The following SAMD12 variants were observed in gnomAD, a reference collection of about 807,000 sequenced individuals.
SAMD12 encodes sterile alpha motif domain-containing protein 12.
Under a neutral mutation model 15.0 loss-of-function variants are expected in SAMD12, and 9 were observed. That is an observed-to-expected ratio of 0.60 (90% CI 0.36 to 1.05). The LOEUF is 1.05. Among genes scored for constraint, SAMD12 ranks in the 50% least tolerant of loss-of-function variants. The pLI, the probability that SAMD12 is intolerant of heterozygous loss-of-function variation, is 0.01. For missense variants in SAMD12, 230 were observed against 234.2 expected, an observed-to-expected ratio of 0.98 and a Z score of 0.12; for synonymous variants, 86 against 90.1, an observed-to-expected ratio of 0.96 and a Z score of 0.25.
In SAMD12 at chr8:118,610,226, C is replaced by CT. The variant is rs778088209; in HGVS notation, c.13+11577dup. On this transcript the variant is annotated intron_variant, in intron 1 of 3. Transcript: ENST00000314727. Reference sequence around the variant, plus strand: ...TAGAAAGCTAATACCAAGATACACACTTTATTAAAAATTTGATCCAAAAAC... The same window carrying CT: ...TAGAAAGCTAATACCAAGATACACACTTTTATTAAAAATTTGATCCAAAAAC... Among the ~76,000 whole-genome samples the CT allele has an allele frequency of 1.9e-4, 29 of 152,314 alleles. No homozygotes were observed. The South Asian group carries it at 3.9e-3, about 21-fold the overall frequency.
At chr8:118,400,380 A>G (rs1223749610) in intron 3 of SAMD12, 2 of 152,232 alleles carry the variant, frequency 1.3e-5, no homozygotes, top group African/African-American at 4.8e-5. Context: ...TTCAAACCTT[A>G]TACTTCTAAT....
At chr8:118,556,823 G>T (rs927050913) in intron 2 of SAMD12, among the ~76,000 whole-genome samples, 1 of 152,114 alleles carries the variant, frequency 6.6e-6, no homozygotes, top group Non-Finnish European at 1.5e-5. Context: ...AATTGGCTGG[G>T]TGTGGTGGCA....
At chr8:118,400,457 G>A (rs766049339) in intron 3 of SAMD12, 1 of 151,798 alleles carries the variant, frequency 6.6e-6, no homozygotes, top group Non-Finnish European at 1.5e-5. Flanking sequence ...GGACAAGAGA[G>A]TAACAAAAAC....
chr8:118,312,874 A>C (rs1456755131), intron 4 of SAMD12, among the ~76,000 whole-genome samples: 3 of 152,184 alleles, frequency 2.0e-5, no homozygotes, highest in African/African-American at 7.2e-5. Flanking sequence ...CATAGATGAC[A>C]CAGAGACTGA....
At chr8:118,583,836 T>A (rs1460505309) in intron 1 of SAMD12, among the ~76,000 whole-genome samples, 1 of 152,194 alleles carries the variant, frequency 6.6e-6, no homozygotes, top group Admixed American at 6.5e-5. Context: ...CTCACAGTAC[T>A]AAGAATGTCC....
At chr8:118,532,626 G>A (rs573826598) in intron 2 of SAMD12, among the ~76,000 whole-genome samples, 1 of 152,222 alleles carries the variant, frequency 6.6e-6, no homozygotes, top group African/African-American at 2.4e-5. Flanking sequence ...GCCTGTTATT[G>A]GTCTATTCAG....
intron 3 of SAMD12, among the ~76,000 whole-genome samples, chr8:118,429,294 T>A (rs1822327952): frequency 6.6e-6 from 1 of 152,206 alleles, no homozygotes; most frequent in Non-Finnish European, 1.5e-5. Context: ...CAAAACTTTT[T>A]GAACACCAGC....
At chr8:118,388,095 A>G (rs1279151899) in intron 3 of SAMD12, among the ~76,000 whole-genome samples, 3 of 152,224 alleles carry the variant, frequency 2.0e-5, no homozygotes, top group African/African-American at 7.2e-5. Flanking sequence ...AACAAAAACA[A>G]AAAATCAAGA....
intron 4 of SAMD12, among the ~76,000 whole-genome samples, chr8:118,306,841 T>G (rs1815374994): frequency 6.6e-6 from 1 of 152,172 alleles, no homozygotes; most frequent in Non-Finnish European, 1.5e-5. Context: ...GATCTTCCGA[T>G]CTTATCCTAA....
intron 4 of SAMD12, among the ~76,000 whole-genome samples, chr8:118,203,193 A>G (rs999819600): frequency 6.6e-6 from 1 of 152,254 alleles, no homozygotes; most frequent in African/African-American, 2.4e-5. Context: ...TTTGCATAAA[A>G]GAATTCTCAT....
chr8:118,475,030 G>A lies in SAMD12; in HGVS notation c.193-35069C>T, dbSNP rs7817157. Among the ~76,000 whole-genome samples the A allele has an allele frequency of 4.9e-3, 741 of 152,264 alleles. 2 individuals are homozygous for A. The highest frequency in any genetic ancestry group is 0.017 in the African/African-American group (705 of 41,562). On this transcript the variant is annotated intron_variant, in intron 2 of 3. Transcript: ENST00000314727. ...GAGGTGGGCGGATCACTTGAGGTCA[G>A]GAGTTTGAGAACAGCCTGGCCAACA...
At chr8:118,354,295 G>A (rs989479750) in intron 4 of SAMD12, among the ~76,000 whole-genome samples, 3 of 152,196 alleles carry the variant, frequency 2.0e-5, no homozygotes, top group Non-Finnish European at 4.4e-5. Flanking sequence ...CAACAAACAT[G>A]TAAAGTAGAG....
At chr8:118,255,370 ATACTTT>A (rs1239784054) in intron 4 of SAMD12, among the ~76,000 whole-genome samples, 1 of 151,948 alleles carries the variant, frequency 6.6e-6, no homozygotes, top group Non-Finnish European at 1.5e-5. Flanking sequence ...TATTATTATT[ATACTTT>A]AAGTTTTAGG....
chr8:118,296,097 T>C (rs1814696707), intron 4 of SAMD12, among the ~76,000 whole-genome samples: 1 of 152,194 alleles, frequency 6.6e-6, no homozygotes, highest in African/African-American at 2.4e-5. Flanking sequence ...GGATATGCAT[T>C]TAGCAAGGAA....
intron 4 of SAMD12, among the ~76,000 whole-genome samples, chr8:118,199,680 A>C (rs1453840932): frequency 6.6e-6 from 1 of 152,234 alleles, no homozygotes; most frequent in Non-Finnish European, 1.5e-5. Flanking sequence ...GAGAGAAAGC[A>C]GATATGTCTA....
chr8:118,592,816 G>A (rs189383906), intron 1 of SAMD12, among the ~76,000 whole-genome samples: 1 of 152,154 alleles, frequency 6.6e-6, no homozygotes, highest in Non-Finnish European at 1.5e-5. Flanking sequence ...GTCAGACACA[G>A]GCTTCAGGGA....
chr8:118,472,939 C>T (rs149922013), intron 2 of SAMD12, among the ~76,000 whole-genome samples: 1 of 151,782 alleles, frequency 6.6e-6, no homozygotes, highest in African/African-American at 2.4e-5. Context: ...AGGAGGAGTG[C>T]TAGGTATTTC....
intron 4 of SAMD12, among the ~76,000 whole-genome samples, chr8:118,260,572 T>A (rs1212627439): frequency 6.6e-6 from 1 of 152,116 alleles, no homozygotes; most frequent in Non-Finnish European, 1.5e-5. Context: ...CCTTGCTGCA[T>A]GCCCTGGAGG....
chr8:118,440,697 A>ACACACAC (rs1563861873), intron 2 of SAMD12, among the ~76,000 whole-genome samples: 12 of 52,424 alleles, frequency 2.3e-4, no homozygotes, highest in South Asian at 6.4e-4. Context: ...CACACACACA[A>ACACACAC]ACACACACAC....
Sources: allele counts gnomAD v4.1 joint callset (sites outside exome capture counted in the v4.1 genomes callset), GRCh38; gene constraint gnomAD v4.1.1; transcripts MANE v1.5; gene names NCBI Gene and HGNC (gene_info 2026-07-23, HGNC 2026-07-21).